KCNMA1: variants seen among roughly 807,000 people sequenced by gnomAD.
KCNMA1 encodes potassium calcium-activated channel subfamily M alpha 1.
Under a neutral mutation model 140.0 loss-of-function variants are expected in KCNMA1, and 29 were observed. The observed-to-expected ratio is 0.21, with a 90% confidence interval of 0.15 to 0.28. The LOEUF is 0.28. Among genes scored for constraint, KCNMA1 ranks in the 10% least tolerant of loss-of-function variants. The pLI, the probability that KCNMA1 is intolerant of heterozygous loss-of-function variation, is 1.00. For synonymous variants in KCNMA1, 612 were observed against 611.9 expected (o/e 1.00, Z 0.00); for missense variants, 880 against 1,602.2 (o/e 0.55, Z 7.70).
chr10:76,875,897 T>A (rs917445058), downstream of KCNMA1: 1 of 152,630 alleles, frequency 6.6e-6, no homozygotes, highest in African/African-American at 2.4e-5. Context: ...AGTAGGCTAG[T>A]GATTAATTAT....
chr10:76,896,310 A>C (rs2042476770), intron 25 of KCNMA1, among the ~76,000 whole-genome samples: 1 of 152,198 alleles, frequency 6.6e-6, no homozygotes, highest in South Asian at 2.1e-4. Context: ...TAATAAGAGA[A>C]ACATGGCTCT....
chr10:77,413,141 G>A (rs573300999), intron 1 of KCNMA1, among the ~76,000 whole-genome samples: 3 of 152,140 alleles, frequency 2.0e-5, no homozygotes, highest in African/African-American at 4.8e-5. Flanking sequence ...TTACAGGAGT[G>A]AGCCACCTCG....
chr10:77,555,897 T>G (rs906804121), intron 1 of KCNMA1, among the ~76,000 whole-genome samples: 2 of 152,166 alleles, frequency 1.3e-5, no homozygotes, highest in African/African-American at 4.8e-5. Context: ...AAACCCTGGA[T>G]GAACTGTTAC....
intron 1 of KCNMA1, among the ~76,000 whole-genome samples, chr10:77,442,720 C>T (rs2097434377): frequency 6.6e-6 from 1 of 152,116 alleles, no homozygotes; most frequent in Non-Finnish European, 1.5e-5. Context: ...CAACTCCCAT[C>T]ACCTATATGC....
rs2037569843 is a variant in KCNMA1 at position 76,887,366 on chromosome 10, G to A, written c.3611C>T (p.Ser1204Phe). The A allele has an allele frequency of 5.0e-6, 8 of 1,614,134 alleles. No homozygotes were observed. The highest frequency in any genetic ancestry group is 6.8e-6 in the Non-Finnish European group (8 of 1,180,040). ...HSSQSSSKKSSSVHSIPSTAN... is the reference protein window; with the variant it reads ...HSSQSSSKKSFSVHSIPSTAN... ...TGTGGATGGGATGGAGTGAACAGAG[G>A]AGCTCTTCTTGCTGGAGGACTGCGA... The change falls in exon 28 of 28, where the codon TCC (serine) becomes TTC (phenylalanine). Residue 1204 changes from serine to phenylalanine, a missense_variant. Around this residue, in one of 13 missense-constraint regions of KCNMA1, gnomAD observed 115 missense variants for 139.9 expected, o/e 0.82. Transcript: ENST00000286628.
At chr10:77,325,380 C>G (rs1001372788) in intron 2 of KCNMA1, among the ~76,000 whole-genome samples, 2 of 152,094 alleles carry the variant, frequency 1.3e-5, no homozygotes, top group African/African-American at 4.8e-5. Flanking sequence ...CCAGTCCAAC[C>G]GCAAAGTGGA....
chr10:77,592,619 A>T (rs1403452456), intron 1 of KCNMA1, among the ~76,000 whole-genome samples: 1 of 152,174 alleles, frequency 6.6e-6, no homozygotes, highest in Non-Finnish European at 1.5e-5. Flanking sequence ...GAGAAGTGAC[A>T]TGTGGGCAAG....
At chr10:77,546,583 A>G (rs568916268) in intron 1 of KCNMA1, among the ~76,000 whole-genome samples, 2 of 152,366 alleles carry the variant, frequency 1.3e-5, no homozygotes, top group South Asian at 2.1e-4. Context: ...GTTATCCCCA[A>G]TATTCCCAGA....
chr10:77,383,719 T>C (rs1370179616), intron 2 of KCNMA1, among the ~76,000 whole-genome samples: 1 of 152,206 alleles, frequency 6.6e-6, no homozygotes, highest in Non-Finnish European at 1.5e-5. Context: ...TTGTTGCTTT[T>C]TTAGAGACAG....
intron 26 of KCNMA1, among the ~76,000 whole-genome samples, chr10:76,890,198 A>G (rs1437111895): frequency 3.3e-5 from 5 of 152,228 alleles, no homozygotes; most frequent in Non-Finnish European, 7.3e-5. Context: ...ATCAGTTCAC[A>G]GCCACCTTCC....
At chr10:77,541,190 T>G (rs1254141122) in intron 1 of KCNMA1, among the ~76,000 whole-genome samples, 1 of 152,086 alleles carries the variant, frequency 6.6e-6, no homozygotes, top group Non-Finnish European at 1.5e-5. Flanking sequence ...GTGAGTATAT[T>G]AAGTATAAAC....
At chr10:77,358,135 C>T (rs879378343) in intron 2 of KCNMA1, among the ~76,000 whole-genome samples, 17 of 152,246 alleles carry the variant, frequency 1.1e-4, no homozygotes, top group Non-Finnish European at 2.2e-4. Flanking sequence ...CAGGGAAAAT[C>T]AGCTGAGAAT....
At chr10:77,336,063 G>GA (rs940805279) in intron 2 of KCNMA1, among the ~76,000 whole-genome samples, 3 of 152,048 alleles carry the variant, frequency 2.0e-5, no homozygotes, top group Non-Finnish European at 2.9e-5. Context: ...GGGAAGTTGG[G>GA]AAAAAAATAG....
intron 2 of KCNMA1, among the ~76,000 whole-genome samples, chr10:77,337,487 C>T (rs560190638): frequency 3.3e-5 from 5 of 152,228 alleles, no homozygotes; most frequent in South Asian, 4.2e-4. Context: ...GGGTGTGGTG[C>T]TGCACACCTG....
chr10:77,206,539 C>A (rs924695002), intron 3 of KCNMA1, among the ~76,000 whole-genome samples: 1 of 152,094 alleles, frequency 6.6e-6, no homozygotes, highest in African/African-American at 2.4e-5. Flanking sequence ...GGACCTCTTG[C>A]CTCTACGTAA....
chr10:77,364,168 C>T (rs977815815), intron 2 of KCNMA1, among the ~76,000 whole-genome samples: 13 of 151,786 alleles, frequency 8.6e-5, no homozygotes, highest in East Asian at 5.8e-4. Context: ...AATCACTGTG[C>T]GGCCGGGCGC....
At chr10:77,228,598 C>G (rs1185995721) in intron 3 of KCNMA1, among the ~76,000 whole-genome samples, 2 of 152,200 alleles carry the variant, frequency 1.3e-5, no homozygotes, top group Admixed American at 1.3e-4. Context: ...AGGTTAGTTT[C>G]TCTGCTAAAT....
chr10:76,875,399 CCTAA>C (rs758363456), downstream of KCNMA1: 4 of 152,026 alleles, frequency 2.6e-5, no homozygotes, highest in Admixed American at 6.6e-5. Context: ...AGGAAACTAT[CCTAA>C]CTATTATGAT....
In KCNMA1 at chr10:77,333,359, AAAAAAG is replaced by A. The variant is rs1454586192; in HGVS notation, c.540+70497_540+70502del. Among the ~76,000 whole-genome samples the A allele has an allele frequency of 1.8e-3, 276 of 150,576 alleles. 1 individual carries two copies. The highest frequency in any genetic ancestry group is 6.2e-3 in the African/African-American group (255 of 41,024). On this transcript the variant is annotated intron_variant, in intron 2 of 27. Transcript: ENST00000286628. Reference sequence around the variant, plus strand: ...AGAGACCCATGTCTACCAAAAAAAAAAAAAAGAAAAAAGAAAGAAAGAGAGAAAGAA... The same window carrying A: ...AGAGACCCATGTCTACCAAAAAAAAAAAAAAAGAAAGAAAGAGAGAAAGAA...
Sources: allele counts gnomAD v4.1 joint callset (sites outside exome capture counted in the v4.1 genomes callset), GRCh38; gene constraint gnomAD v4.1.1; regional missense constraint gnomAD v4.1.1; transcripts MANE v1.5; gene names NCBI Gene and HGNC (gene_info 2026-07-23, HGNC 2026-07-21).